Variants in TRPC4 observed in about 807,000 individuals in gnomAD.
The protein encoded by TRPC4 is short transient receptor potential channel 4.
A neutral mutation model predicts 99.4 loss-of-function variants in TRPC4; 49 were observed. The observed-to-expected ratio is 0.49, with a 90% confidence interval of 0.39 to 0.63. TRPC4 has a LOEUF of 0.63. Ranked by LOEUF, TRPC4 falls within the 20% of genes least tolerant of loss-of-function variation. TRPC4 has a pLI of 0.00. For missense variants in TRPC4, 898 were observed against 1,152.9 expected, an observed-to-expected ratio of 0.78 and a Z score of 3.20; for synonymous variants, 454 against 425.9, an observed-to-expected ratio of 1.07 and a Z score of -0.81.
At position 37,637,621 on chromosome 13, in the gene TRPC4, A is replaced by G; in HGVS notation, c.2216T>C (p.Leu739Pro). 6.4e-7 allele frequency: 1 copy of G among 1,574,702 alleles called. No homozygotes were observed. Among genetic ancestry groups the G allele is most frequent in the Non-Finnish European group, 8.6e-7 (1 of 1,165,906 alleles). ...GCGGAAACTAGAAATGTCTTGCTTTAGTTCCTACGTAGAATTTAAAATGAA... is the reference window on the plus strand; with the variant it reads ...GCGGAAACTAGAAATGTCTTGCTTTGGTTCCTACGTAGAATTTAAAATGAA... ...EGLTEENFKE[L>P]KQDISSFRFE... Residue 739 changes from leucine to proline, a missense_variant, in exon 11 of 11, where the codon CTA (leucine) becomes CCA (proline). This residue lies in a region of TRPC4 where 346 missense variants were observed against 351.4 expected (regional missense o/e 0.98). Coordinates refer to ENST00000379705, the MANE Select transcript of TRPC4 (RefSeq NM_016179.4).
At chr13:37,641,923 A>C (rs1435776270) in intron 8 of TRPC4, among the ~76,000 whole-genome samples, 1 of 152,088 alleles carries the variant, frequency 6.6e-6, no homozygotes, top group Non-Finnish European at 1.5e-5. Context: ...TGATAATGTG[A>C]CTTAATAGCC....
intron 4 of TRPC4, among the ~76,000 whole-genome samples, chr13:37,685,554 T>C (rs1953440085): frequency 6.6e-6 from 1 of 152,110 alleles, no homozygotes; most frequent in Non-Finnish European, 1.5e-5. Context: ...ATTACTACGA[T>C]TACTACTACT....
rs542694636 is a variant in TRPC4 at position 37,742,660 on chromosome 13, A to G, written c.897+3277T>C. Among the ~76,000 whole-genome samples, 389 of 152,210 alleles carry G rather than the reference A, an allele frequency of 2.6e-3. 1 individual carries two copies. Among genetic ancestry groups the G allele is most frequent in the African/African-American group, 8.7e-3 (361 of 41,544 alleles). On this transcript the variant is annotated intron_variant, in intron 3 of 10. Transcript: ENST00000379705. ...GGACTTAGCTATGTGAATGAAGGTT[A>G]ATGAGAAAGCATTCCAAATCCTGAG...
Position 37,635,867 on chromosome 13 carries a change from G to C in TRPC4, c.*1036C>G, listed in dbSNP as rs1265821484. 1.3e-5 allele frequency among the ~76,000 whole-genome samples: 2 copies of C among 151,986 alleles called. No homozygotes were observed. Among genetic ancestry groups the C allele is most frequent in the African/African-American group, 4.8e-5 (2 of 41,404 alleles). On this transcript the variant is annotated 3_prime_UTR_variant, in exon 11 of 11. Transcript: ENST00000379705. ...GCTGATAAAATTAATAATGATTTTT[G>C]AGTGATTTAATTTTAAAGAAATATA...
At chr13:37,838,529 C>T (rs1958635441) in intron 1 of TRPC4, among the ~76,000 whole-genome samples, 1 of 152,070 alleles carries the variant, frequency 6.6e-6, no homozygotes. Flanking sequence ...TAAATACTGT[C>T]TTGCACTTAA....
At chr13:37,730,884 T>A (rs1248775619) in intron 3 of TRPC4, among the ~76,000 whole-genome samples, 2 of 151,994 alleles carry the variant, frequency 1.3e-5, no homozygotes, top group African/African-American at 2.4e-5. Context: ...CATTAGCAAG[T>A]AGAGGCAAAT....
At chr13:37,858,801 A>G (rs1487500875) in intron 1 of TRPC4, among the ~76,000 whole-genome samples, 1 of 151,462 alleles carries the variant, frequency 6.6e-6, no homozygotes, top group Non-Finnish European at 1.5e-5. Flanking sequence ...ATGGGGGTTG[A>G]GAGGGAGTGG....
At chr13:37,807,519 G>A (rs1957555517) in intron 1 of TRPC4, among the ~76,000 whole-genome samples, 1 of 152,024 alleles carries the variant, frequency 6.6e-6, no homozygotes, top group African/African-American at 2.4e-5. Flanking sequence ...ATGAATTTTA[G>A]TATCTTTTTA....
At chr13:37,787,471 T>C (rs1957001868) in intron 1 of TRPC4, among the ~76,000 whole-genome samples, 1 of 152,110 alleles carries the variant, frequency 6.6e-6, no homozygotes, top group Non-Finnish European at 1.5e-5. Flanking sequence ...ATACTCCACA[T>C]AAAAGCATAA....
intron 2 of TRPC4, among the ~76,000 whole-genome samples, chr13:37,766,804 G>A (rs1476410746): frequency 1.3e-5 from 2 of 151,392 alleles, no homozygotes; most frequent in East Asian, 1.9e-4. Flanking sequence ...TAGAGAAAAC[G>A]TCACTGACTG....
intron 4 of TRPC4, among the ~76,000 whole-genome samples, chr13:37,687,507 C>A (rs986056513): frequency 2.0e-5 from 3 of 152,112 alleles, no homozygotes; most frequent in Admixed American, 6.6e-5. Flanking sequence ...TATCTTACTA[C>A]GTATTATCTT....
chr13:37,722,703 A>C (rs1954914461), intron 3 of TRPC4, among the ~76,000 whole-genome samples: 1 of 152,222 alleles, frequency 6.6e-6, no homozygotes, highest in Non-Finnish European at 1.5e-5. Flanking sequence ...TTCTACACAT[A>C]AGCGATAAAT....
At chr13:37,727,004 C>T (rs1004608710) in intron 3 of TRPC4, among the ~76,000 whole-genome samples, 4 of 152,102 alleles carry the variant, frequency 2.6e-5, no homozygotes, top group African/African-American at 4.8e-5. Flanking sequence ...GACTTCAATA[C>T]CCTCTCTCAA....
At chr13:37,786,786 G>A (rs186697228) in intron 1 of TRPC4, among the ~76,000 whole-genome samples, 98 of 152,156 alleles carry the variant, frequency 6.4e-4, no homozygotes, top group Non-Finnish European at 1.1e-3. Flanking sequence ...ACCAGAAGTG[G>A]AATGACTGAT....
rs1951429276 is a variant in TRPC4, at chr13:37,633,147, A to C, written c.*3756T>G. 2.0e-5 allele frequency among the ~76,000 whole-genome samples: 3 copies of C among 152,206 alleles called. No individual in the cohort carries two copies. The South Asian group carries it at 6.2e-4, about 31-fold the overall frequency. ...AAAGGCATGTGATAACACTGTATAAATAAAATGTCTTTTCAGACATTGTAA... is the reference window on the plus strand; with the variant it reads ...AAAGGCATGTGATAACACTGTATAACTAAAATGTCTTTTCAGACATTGTAA... On this transcript the variant is annotated 3_prime_UTR_variant, in exon 11 of 11. Coordinates refer to ENST00000379705, the MANE Select transcript of TRPC4 (RefSeq NM_016179.4).
At chr13:37,743,644 T>C (rs12853617) in intron 3 of TRPC4, among the ~76,000 whole-genome samples, 61,262 of 151,930 alleles carry the variant, frequency 0.4, 13,208 homozygotes, top group Non-Finnish European at 0.49. Context: ...GAATGTGTTC[T>C]ATGAAATATA....
intron 3 of TRPC4, among the ~76,000 whole-genome samples, chr13:37,729,338 G>A (rs1593604583): frequency 6.6e-6 from 1 of 152,078 alleles, no homozygotes; most frequent in African/African-American, 2.4e-5. Flanking sequence ...AACAATTGTA[G>A]GTGAGGATGT....
rs899423748 is a variant in TRPC4, at chr13:37,737,209, G to C, written c.897+8728C>G. ...CTTATCCTTTTATATTGGGGACCCA[G>C]GAACAGACAAAAAATAGTAATAATA... On this transcript the variant is annotated intron_variant, in intron 3 of 10. Coordinates refer to ENST00000379705, the MANE Select transcript of TRPC4 (RefSeq NM_016179.4). 1.3e-4 allele frequency among the ~76,000 whole-genome samples: 19 copies of C among 148,894 alleles called. No individual in the cohort carries two copies. The East Asian group carries it at 3.7e-3, about 29-fold the overall frequency.
intron 3 of TRPC4, among the ~76,000 whole-genome samples, chr13:37,721,895 C>A (rs1954882511): frequency 1.3e-5 from 2 of 151,996 alleles, no homozygotes; most frequent in South Asian, 2.1e-4. Context: ...CCTTGGCCTC[C>A]CAAAATGCTG....
Sources: gnomAD v4.1 joint callset for allele counts (sites outside exome capture counted in the v4.1 genomes callset) on GRCh38, gnomAD v4.1.1 for gene constraint, gnomAD v4.1.1 regional missense constraint, MANE v1.5 for transcripts, NCBI Gene and HGNC (gene_info 2026-07-23, HGNC 2026-07-21) for gene names.